The following HS3ST2 variants were observed in gnomAD, a reference collection of about 807,000 sequenced individuals.
HS3ST2 encodes heparan sulfate glucosamine 3-O-sulfotransferase 2.
HS3ST2 carries 17 observed loss-of-function variants against 26.3 expected under a neutral mutation model. The observed-to-expected ratio is 0.65, with a 90% CI of 0.44 to 0.97. The LOEUF is 0.97. HS3ST2 is among the 50% of genes least tolerant of loss of function. The probability of loss-of-function intolerance (pLI) is 0.00; values close to 1 mark genes in which losing one functional copy is unlikely to be tolerated. For synonymous variants in HS3ST2, 237 were observed against 219.2 expected, an observed-to-expected ratio of 1.08 and a Z score of -0.72; for missense variants, 402 against 501.2, an observed-to-expected ratio of 0.80 and a Z score of 1.89.
intron 1 of HS3ST2, among the ~76,000 whole-genome samples, chr16:22,868,766 T>G (rs1350841852): frequency 1.3e-5 from 2 of 152,180 alleles, no homozygotes; most frequent in Non-Finnish European, 2.9e-5. Flanking sequence ...GGCGCCTGTT[T>G]AACTACTAGT....
intron 1 of HS3ST2, among the ~76,000 whole-genome samples, chr16:22,816,196 A>C (rs208953): frequency 0.46 from 70,104 of 152,162 alleles, 17,377 homozygotes; most frequent in African/African-American, 0.65. Flanking sequence ...GAATTCTCAC[A>C]ATTCACCTGA....
intron 1 of HS3ST2, among the ~76,000 whole-genome samples, chr16:22,909,183 T>C (rs77281): frequency 0.47 from 72,070 of 152,096 alleles, 17,867 homozygotes; most frequent in Admixed American, 0.56. Flanking sequence ...CCTTGGCCCA[T>C]CAAGATTTTG....
chr16:22,819,374 A>G (rs1228979737), intron 1 of HS3ST2, among the ~76,000 whole-genome samples: 1 of 152,082 alleles, frequency 6.6e-6, no homozygotes, highest in African/African-American at 2.4e-5. Flanking sequence ...TATCTTTAGG[A>G]TGCTCTCCAT....
At chr16:22,890,986 G>C (rs1902119996) in intron 1 of HS3ST2, among the ~76,000 whole-genome samples, 1 of 152,188 alleles carries the variant, frequency 6.6e-6, no homozygotes, top group South Asian at 2.1e-4. Flanking sequence ...GACATATTTA[G>C]CTAATCCACA....
chr16:22,909,733 A>G (rs1902398520), intron 1 of HS3ST2, among the ~76,000 whole-genome samples: 1 of 152,178 alleles, frequency 6.6e-6, no homozygotes, highest in African/African-American at 2.4e-5. Context: ...TGCAACTGAT[A>G]ACACCAATTA....
chr16:22,890,551 A>G (rs1902114160), intron 1 of HS3ST2, among the ~76,000 whole-genome samples: 1 of 152,208 alleles, frequency 6.6e-6, no homozygotes, highest in African/African-American at 2.4e-5. Flanking sequence ...GCAAAAACAC[A>G]TATATCTTTG....
At chr16:22,843,185 G>A (rs915802071) in intron 1 of HS3ST2, among the ~76,000 whole-genome samples, 1 of 151,874 alleles carries the variant, frequency 6.6e-6, no homozygotes, top group African/African-American at 2.4e-5. Flanking sequence ...TGAACACATT[G>A]CCATGTGAGT....
At chr16:22,841,104 C>T (rs769299737) in intron 1 of HS3ST2, among the ~76,000 whole-genome samples, 7 of 151,926 alleles carry the variant, frequency 4.6e-5, no homozygotes, top group African/African-American at 7.3e-5. Context: ...CATTGTCACC[C>T]GGGCTGGAGT....
At chr16:22,830,292 G>A (rs972368467) in intron 1 of HS3ST2, among the ~76,000 whole-genome samples, 3 of 152,218 alleles carry the variant, frequency 2.0e-5, no homozygotes, top group Non-Finnish European at 4.4e-5. Context: ...ACAGGTTCTT[G>A]TTTTAGAGAT....
chr16:22,825,989 C>T (rs961151650), intron 1 of HS3ST2, among the ~76,000 whole-genome samples: 1 of 152,140 alleles, frequency 6.6e-6, no homozygotes, highest in African/African-American at 2.4e-5. Context: ...TGCTGCTGCA[C>T]TCCAGCCTAG....
At chr16:22,826,554 C>G (rs1281581642) in intron 1 of HS3ST2, among the ~76,000 whole-genome samples, 2 of 152,306 alleles carry the variant, frequency 1.3e-5, no homozygotes, top group East Asian at 3.9e-4. Context: ...TCCCCACTAG[C>G]CTGAAAACTC....
At position 22,814,931 on chromosome 16, in the gene HS3ST2, C is replaced by A; in HGVS notation, c.321C>A (p.Pro107=). Residue 107 remains proline (P), a synonymous_variant, in exon 1 of 2, where the codon CCC becomes CCA. Transcript: ENST00000261374. ...RLSGSNHSGS[P]KLGTKRLPQA... ...CCGGTTCCAACCACTCCGGCTCACC[C>A]AAGCTGGGTACCAAGCGGTTGCCCC... 3 of 1,606,474 alleles carry A rather than the reference C, an allele frequency of 1.9e-6. No homozygotes were observed. Among genetic ancestry groups the A allele is most frequent in the Non-Finnish European group, 2.5e-6 (3 of 1,177,088 alleles).
chr16:22,908,483 A>T (rs1902382876), intron 1 of HS3ST2, among the ~76,000 whole-genome samples: 1 of 152,138 alleles, frequency 6.6e-6, no homozygotes, highest in South Asian at 2.1e-4. Context: ...AAAGAAAATG[A>T]ATTTATTTCT....
intron 1 of HS3ST2, among the ~76,000 whole-genome samples, chr16:22,859,309 CAA>C (rs1490858970): frequency 1.3e-5 from 2 of 152,188 alleles, no homozygotes; most frequent in African/African-American, 4.8e-5. Context: ...ACTCAAAGTA[CAA>C]GTTATTTTTC....
At chr16:22,897,085 A>G (rs1902221294) in intron 1 of HS3ST2, among the ~76,000 whole-genome samples, 1 of 152,212 alleles carries the variant, frequency 6.6e-6, no homozygotes, top group Non-Finnish European at 1.5e-5. Flanking sequence ...CTGGGATTAC[A>G]GGCGTGTGCC....
At chr16:22,850,656 G>C (rs1462777382) in intron 1 of HS3ST2, among the ~76,000 whole-genome samples, 1 of 152,080 alleles carries the variant, frequency 6.6e-6, no homozygotes, top group Non-Finnish European at 1.5e-5. Context: ...GTGTGGTGGA[G>C]CTCACCTGTA....
At chr16:22,891,486 A>G (rs1902129252) in intron 1 of HS3ST2, among the ~76,000 whole-genome samples, 1 of 152,226 alleles carries the variant, frequency 6.6e-6, no homozygotes, top group South Asian at 2.1e-4. Flanking sequence ...TGAAAAAAAA[A>G]AATGCACTTG....
At chr16:22,869,031 T>C (rs1487708305) in intron 1 of HS3ST2, among the ~76,000 whole-genome samples, 2 of 151,782 alleles carry the variant, frequency 1.3e-5, no homozygotes, top group Non-Finnish European at 2.9e-5. Flanking sequence ...TGAACAGCAG[T>C]GGGACCTACA....
At chr16:22,862,143 C>T (rs1901685830) in intron 1 of HS3ST2, among the ~76,000 whole-genome samples, 1 of 152,166 alleles carries the variant, frequency 6.6e-6, no homozygotes, top group Non-Finnish European at 1.5e-5. Context: ...AACAGGTGCT[C>T]TGTAAGCATT....
Sources: allele counts gnomAD v4.1 joint callset (sites outside exome capture counted in the v4.1 genomes callset), GRCh38; gene constraint gnomAD v4.1.1; transcripts MANE v1.5; gene names NCBI Gene and HGNC (gene_info 2026-07-23, HGNC 2026-07-21).